TTC7B: variants seen among roughly 807,000 people sequenced by gnomAD.
TTC7B encodes tetratricopeptide repeat domain 7B.
Under a neutral mutation model 106.8 loss-of-function variants are expected in TTC7B, and 28 were observed. The observed-to-expected ratio is 0.26, with a 90% CI of 0.19 to 0.36. TTC7B has a LOEUF of 0.36. Ranked by LOEUF, TTC7B falls within the 10% of genes least tolerant of loss-of-function variation. The pLI, the probability that TTC7B is intolerant of heterozygous loss-of-function variation, is 1.00. For synonymous variants in TTC7B, 405 were observed against 430.6 expected, an observed-to-expected ratio of 0.94 and a Z score of 0.74; for missense variants, 862 against 1,076.4, an observed-to-expected ratio of 0.80 and a Z score of 2.79.
At chr14:90,647,733 A>C (rs932925272) in intron 13 of TTC7B, among the ~76,000 whole-genome samples, 2 of 152,122 alleles carry the variant, frequency 1.3e-5, no homozygotes, top group African/African-American at 2.4e-5. Context: ...CTCTGCTTCT[A>C]TGTGGAAGTC....
At position 90,802,151 on chromosome 14, in the gene TTC7B, C is replaced by T. The variant is rs1488050119; in HGVS notation, c.121+14024G>A. Among the ~76,000 whole-genome samples, 6 of 152,204 alleles carry T rather than the reference C, an allele frequency of 3.9e-5. No homozygotes were observed. Among genetic ancestry groups the T allele is most frequent in the African/African-American group, 7.2e-5 (3 of 41,528 alleles). On this transcript the variant is annotated intron_variant, in intron 1 of 19. Transcript: ENST00000328459. This position sits in a 1 kb window ranked among gnomAD's most constrained non-coding sequence, Gnocchi z 4.7. ...ACTAGCCATTAGACCTGGCAGCACA[C>T]GGGCCACATCAGAGGGCAGCCTCGA... is the stretch of plus-strand genomic sequence containing the variant.
chr14:90,559,072 T>C (rs1375975953), intron 19 of TTC7B, among the ~76,000 whole-genome samples: 1 of 152,212 alleles, frequency 6.6e-6, no homozygotes, highest in African/African-American at 2.4e-5. Context: ...GTATCAAGAA[T>C]AGAGCCATTT....
intron 2 of TTC7B, among the ~76,000 whole-genome samples, chr14:90,781,205 C>T (rs1324925533): frequency 6.6e-6 from 1 of 152,200 alleles, no homozygotes; most frequent in Non-Finnish European, 1.5e-5. Context: ...AATCCAGTCA[C>T]AAAAGGCCAC....
intron 18 of TTC7B, among the ~76,000 whole-genome samples, chr14:90,589,454 T>C (rs1891863331): frequency 6.6e-6 from 1 of 152,264 alleles, no homozygotes; most frequent in Non-Finnish European, 1.5e-5. Context: ...AAATACCTAA[T>C]ACAATGTAAA....
intron 3 of TTC7B, among the ~76,000 whole-genome samples, chr14:90,770,395 G>A (rs1038539823): frequency 1.3e-5 from 2 of 152,100 alleles, no homozygotes; most frequent in Non-Finnish European, 2.9e-5. Context: ...GGTGGCTCAC[G>A]CCTGTAATCC....
chr14:90,804,102 G>A (rs982556965), intron 1 of TTC7B, among the ~76,000 whole-genome samples: 8 of 152,256 alleles, frequency 5.3e-5, no homozygotes, highest in Middle Eastern at 6.8e-3. Context: ...TTGGAAGGCC[G>A]AAGCAGGCAG....
intron 19 of TTC7B, among the ~76,000 whole-genome samples, chr14:90,573,384 TCCCTCTCCGGCTCACAGG>T (rs1480825238): frequency 2.2e-4 from 28 of 125,486 alleles, no homozygotes; most frequent in African/African-American, 7.4e-4. Context: ...CAGCTCACGG[TCCCTCTCCGGCTCACAGG>T]CCCTCTCCGG....
chr14:90,611,671 CT>C (rs1393255008), intron 16 of TTC7B, among the ~76,000 whole-genome samples: 1 of 152,138 alleles, frequency 6.6e-6, no homozygotes, highest in Non-Finnish European at 1.5e-5. Context: ...ACTGAGTCCC[CT>C]CTCTAGCTTG....
chr14:90,745,675 T>C (rs1889939656), intron 3 of TTC7B, among the ~76,000 whole-genome samples: 1 of 152,048 alleles, frequency 6.6e-6, no homozygotes, highest in Admixed American at 6.6e-5. Flanking sequence ...TTGGATTTGA[T>C]TTGTTAAAAT....
intron 3 of TTC7B, among the ~76,000 whole-genome samples, chr14:90,764,689 G>A (rs994912960): frequency 6.6e-6 from 1 of 152,020 alleles, no homozygotes; most frequent in Non-Finnish European, 1.5e-5. Flanking sequence ...TATACAAATG[G>A]CCAATAAGCA....
intron 12 of TTC7B, among the ~76,000 whole-genome samples, chr14:90,653,968 A>G (rs1885840387): frequency 6.6e-6 from 1 of 152,242 alleles, no homozygotes; most frequent in Non-Finnish European, 1.5e-5. Context: ...GGTATTGCCA[A>G]TGTACCATGT....
intron 1 of TTC7B, among the ~76,000 whole-genome samples, chr14:90,797,648 A>C (rs2029964743): frequency 6.6e-6 from 1 of 152,046 alleles, no homozygotes; most frequent in Non-Finnish European, 1.5e-5. Context: ...CCAGGGGGCA[A>C]TGTAGCAATT....
intron 3 of TTC7B, among the ~76,000 whole-genome samples, chr14:90,752,237 G>A (rs568224634): frequency 6.6e-6 from 1 of 152,212 alleles, no homozygotes; most frequent in East Asian, 1.9e-4. Context: ...AAGATTAAGG[G>A]TCAGGTGCAG....
chr14:90,750,610 GAGAA>G (rs1211436839), intron 3 of TTC7B, among the ~76,000 whole-genome samples: 4 of 152,184 alleles, frequency 2.6e-5, no homozygotes, highest in Non-Finnish European at 4.4e-5. Flanking sequence ...CCACAGTGAG[GAGAA>G]ACTAGTGTTT....
At chr14:90,693,879 A>G (rs1417188007) in intron 6 of TTC7B, among the ~76,000 whole-genome samples, 1 of 152,222 alleles carries the variant, frequency 6.6e-6, no homozygotes. Context: ...GAAAGAACAC[A>G]TAAGTCCACA....
At chr14:90,765,119 A>G (rs915440917) in intron 3 of TTC7B, among the ~76,000 whole-genome samples, 9 of 152,242 alleles carry the variant, frequency 5.9e-5, no homozygotes, top group Non-Finnish European at 1.3e-4. Flanking sequence ...CATACAATGT[A>G]ATATTCAGTC....
intron 5 of TTC7B, among the ~76,000 whole-genome samples, chr14:90,718,658 A>C (rs1385580833): frequency 6.6e-6 from 1 of 152,082 alleles, no homozygotes; most frequent in Non-Finnish European, 1.5e-5. Flanking sequence ...ACCTAGCACA[A>C]CGTGCACAGG....
chr14:90,555,976 C>A (rs914649067), intron 19 of TTC7B, among the ~76,000 whole-genome samples: 18 of 152,236 alleles, frequency 1.2e-4, no homozygotes, highest in Non-Finnish European at 2.2e-4. Context: ...CACATGAGCT[C>A]CCTGCCGGCT....
At chr14:90,629,830 G>A (rs897434794) in intron 15 of TTC7B, among the ~76,000 whole-genome samples, 1 of 152,230 alleles carries the variant, frequency 6.6e-6, no homozygotes, top group African/African-American at 2.4e-5. Context: ...AGCCCCCGGC[G>A]GTCAGCCAGT....
Sources: gnomAD v4.1 joint callset for allele counts (sites outside exome capture counted in the v4.1 genomes callset) on GRCh38, gnomAD v4.1.1 for gene constraint, Gnocchi (gnomAD v3.1) non-coding constraint, MANE v1.5 for transcripts, NCBI Gene and HGNC (gene_info 2026-07-23, HGNC 2026-07-21) for gene names.